PCED1B: variants seen among roughly 807,000 people sequenced by gnomAD.
The protein encoded by PCED1B is PC-esterase domain containing 1B, also known as PC-esterase domain-containing protein 1B.
For missense variants in PCED1B, 573 were observed against 573.9 expected, an observed-to-expected ratio of 1.00 and a Z score of 0.02; for synonymous variants, 251 against 246.1, an observed-to-expected ratio of 1.02 and a Z score of -0.19.
intron 3 of PCED1B, among the ~76,000 whole-genome samples, chr12:47,230,305 C>T (rs994505751): frequency 6.6e-6 from 1 of 151,902 alleles, no homozygotes; most frequent in East Asian, 1.9e-4. Context: ...AGGATGGTCT[C>T]CATCTCGTGA....
chr12:47,230,429 G>A (rs1344917041), intron 3 of PCED1B, among the ~76,000 whole-genome samples: 1 of 151,308 alleles, frequency 6.6e-6, no homozygotes, highest in Non-Finnish European at 1.5e-5. Flanking sequence ...GTACTTCATA[G>A]TAGAAAATAT....
intron 2 of PCED1B, among the ~76,000 whole-genome samples, chr12:47,172,340 CTTTT>C (rs34230051): frequency 7.7e-5 from 6 of 78,350 alleles, no homozygotes; most frequent in East Asian, 8.3e-4. Flanking sequence ...TCGTGGGTTG[CTTTT>C]TTTTTTTTTT....
At chr12:47,177,363 C>A (rs988390841) in intron 2 of PCED1B, among the ~76,000 whole-genome samples, 1 of 152,156 alleles carries the variant, frequency 6.6e-6, no homozygotes, top group Non-Finnish European at 1.5e-5. Context: ...AGAAATATCT[C>A]CTCATATAAG....
chr12:47,090,844 T>C (rs927398211), intron 1 of PCED1B, among the ~76,000 whole-genome samples: 1 of 152,142 alleles, frequency 6.6e-6, no homozygotes, highest in Non-Finnish European at 1.5e-5. Context: ...ACTATTTTGT[T>C]GTTCATGGGC....
chr12:47,080,154 C>T (rs77380695), intron 1 of PCED1B, among the ~76,000 whole-genome samples: 13,395 of 152,168 alleles, frequency 0.088, 792 homozygotes, highest in South Asian at 0.28. Context: ...GGGTCCACAC[C>T]AGAGGCCCAG....
Position 47,105,250 on chromosome 12 carries a change from C to T in PCED1B, c.-526+1055C>T, listed in dbSNP as rs1938895475. The stretch of plus-strand genomic sequence containing the variant: ...TTGACAGAGTGAACGCGGTGGGGGG[C>T]GGCGGGGGAGATGTTTCAAGTGAAG... On this transcript the variant is annotated intron_variant, in intron 2 of 3. Coordinates refer to ENST00000546455, the MANE Select transcript of PCED1B (RefSeq NM_138371.3). Among the ~76,000 whole-genome samples, 4 of 150,950 alleles carry T rather than the reference C, an allele frequency of 2.6e-5. No homozygotes were observed. The South Asian group carries it at 8.4e-4, about 32-fold the overall frequency.
At chr12:47,228,809 G>T (rs981242692) in intron 3 of PCED1B, among the ~76,000 whole-genome samples, 9 of 151,364 alleles carry the variant, frequency 5.9e-5, no homozygotes, top group Admixed American at 4.0e-4. Context: ...GGAGGCGGAG[G>T]TTGCAGTGAG....
chr12:47,118,402 T>C (rs1939525655), intron 2 of PCED1B, among the ~76,000 whole-genome samples: 1 of 152,232 alleles, frequency 6.6e-6, no homozygotes, highest in African/African-American at 2.4e-5. Flanking sequence ...TTCAGCTTTC[T>C]ACATATGGCT....
At chr12:47,092,338 A>G (rs539507358) in intron 1 of PCED1B, among the ~76,000 whole-genome samples, 1 of 152,212 alleles carries the variant, frequency 6.6e-6, no homozygotes, top group East Asian at 1.9e-4. Context: ...TTGCCAATAT[A>G]TACAAATGCA....
intron 2 of PCED1B, among the ~76,000 whole-genome samples, chr12:47,105,858 C>T (rs560087914): frequency 4.7e-4 from 71 of 152,198 alleles, no homozygotes; most frequent in Admixed American, 1.1e-3. Context: ...AGAGCACAGG[C>T]GAATTGACAC....
At chr12:47,139,837 G>A (rs1020633386) in intron 2 of PCED1B, among the ~76,000 whole-genome samples, 1 of 152,034 alleles carries the variant, frequency 6.6e-6, no homozygotes, top group Non-Finnish European at 1.5e-5. Flanking sequence ...TCTGTGCTTG[G>A]TGGAGAGTAG....
intron 1 of PCED1B, among the ~76,000 whole-genome samples, chr12:47,097,210 A>G (rs1299637170): frequency 1.3e-5 from 2 of 152,254 alleles, no homozygotes; most frequent in African/African-American, 4.8e-5. Flanking sequence ...TGTATCAACC[A>G]GAAATACCTA....
chr12:47,184,058 G>A (rs1942178652), intron 2 of PCED1B, among the ~76,000 whole-genome samples: 1 of 151,942 alleles, frequency 6.6e-6, no homozygotes, highest in South Asian at 2.1e-4. Flanking sequence ...TTTCTTTTTT[G>A]TAGAGAAAGG....
intron 2 of PCED1B, among the ~76,000 whole-genome samples, chr12:47,203,920 C>A (rs1366834863): frequency 6.6e-6 from 1 of 152,188 alleles, no homozygotes; most frequent in African/African-American, 2.4e-5. Context: ...AATGGTTGAA[C>A]TAATTTATAT....
At chr12:47,136,808 G>C (rs185671723) in intron 2 of PCED1B, among the ~76,000 whole-genome samples, 1 of 151,872 alleles carries the variant, frequency 6.6e-6, no homozygotes, top group Non-Finnish European at 1.5e-5. Context: ...AAGTATAAAC[G>C]ATATCTACAT....
intron 2 of PCED1B, among the ~76,000 whole-genome samples, chr12:47,125,060 TG>T (rs1939831929): frequency 6.6e-6 from 1 of 152,002 alleles, no homozygotes; most frequent in Non-Finnish European, 1.5e-5. Context: ...AGGGTATTTT[TG>T]GTGTCAAACC....
chr12:47,108,910 A>T (rs1366352705), intron 2 of PCED1B, among the ~76,000 whole-genome samples: 1 of 152,260 alleles, frequency 6.6e-6, no homozygotes, highest in Non-Finnish European at 1.5e-5. Context: ...TAATTTTACA[A>T]GTATGTAATA....
Position 47,176,605 on chromosome 12 carries a change from G to C in PCED1B, c.-525-39617G>C, listed in dbSNP as rs1407251122. Among the ~76,000 whole-genome samples, 4 of 152,162 alleles carry C rather than the reference G, an allele frequency of 2.6e-5. No individual in the cohort carries two copies. In the East Asian group the frequency reaches 7.7e-4, roughly 29 times the overall value. On this transcript the variant is annotated intron_variant, in intron 2 of 3. Transcript: ENST00000546455. ...TCTCTTAAAATATCCTTTCTAATAAGTTGGCAATAACAAGTAAACTGTTTT... is the reference window on the plus strand; with the variant it reads ...TCTCTTAAAATATCCTTTCTAATAACTTGGCAATAACAAGTAAACTGTTTT...
chr12:47,083,575 G>C (rs1356093811), intron 1 of PCED1B, among the ~76,000 whole-genome samples: 1 of 152,090 alleles, frequency 6.6e-6, no homozygotes, highest in African/African-American at 2.4e-5. Flanking sequence ...TGCTCCAGTT[G>C]GTTTTTGTAA....
Sources: gnomAD v4.1 joint callset for allele counts (sites outside exome capture counted in the v4.1 genomes callset) on GRCh38, gnomAD v4.1.1 for gene constraint, MANE v1.5 for transcripts, NCBI Gene and HGNC (gene_info 2026-07-23, HGNC 2026-07-21) for gene names.